LOC400499: variants seen among roughly 807,000 people sequenced by gnomAD.
At chr16:11,448,845 G>A in the LOC400499 span, 1 of 1,243,558 alleles carries the variant, frequency 8.0e-7, no homozygotes, top group Admixed American at 2.5e-5. Flanking sequence ...TCCATCCGAA[G>A]CAGGGAGAGA....
the LOC400499 span, chr16:11,392,066 G>T: frequency 2.5e-6 from 1 of 399,840 alleles, no homozygotes; most frequent in Non-Finnish European, 4.4e-6. Flanking sequence ...TCTTCCAGCC[G>T]GGCTTGCACC....
chr16:11,459,865 G>T, the LOC400499 span: 1 of 1,335,878 alleles, frequency 7.5e-7, no homozygotes, highest in African/African-American at 1.5e-5. Flanking sequence ...GGACTCATGG[G>T]GCACGGCTCT....
the LOC400499 span, among the ~76,000 whole-genome samples, chr16:11,468,471 A>C: frequency 6.6e-6 from 1 of 151,978 alleles, no homozygotes; most frequent in South Asian, 2.1e-4. Context: ...CTACAGGCAC[A>C]CAACTCTGTG....
chr16:11,502,711 T>C, the LOC400499 span, among the ~76,000 whole-genome samples: 1 of 151,054 alleles, frequency 6.6e-6, no homozygotes, highest in Non-Finnish European at 1.5e-5. Context: ...ACCTCCTGGG[T>C]TCTAGCGATT....
the LOC400499 span, among the ~76,000 whole-genome samples, chr16:11,495,494 C>T: frequency 6.6e-6 from 1 of 152,076 alleles, no homozygotes; most frequent in Non-Finnish European, 1.5e-5. Flanking sequence ...GATTCCCCTG[C>T]CTCAGCCTCC....
chr16:11,515,831 G>GGGAA, the LOC400499 span: 1 of 351,484 alleles, frequency 2.8e-6, no homozygotes, highest in Non-Finnish European at 5.0e-6. Flanking sequence ...GGGTCTGGGA[G>GGGAA]AGCAGCAGTC....
At chr16:11,381,966 G>A in the LOC400499 span, among the ~76,000 whole-genome samples, 31 of 147,324 alleles carry the variant, frequency 2.1e-4, no homozygotes, top group East Asian at 7.8e-4. Context: ...TTTTTGAGAC[G>A]GAGTCTTGCT....
At chr16:11,388,908 G>A in the LOC400499 span, among the ~76,000 whole-genome samples, 2 of 151,978 alleles carry the variant, frequency 1.3e-5, no homozygotes, top group South Asian at 2.1e-4. Context: ...CTAATATGGT[G>A]AAACCCCGTC....
the LOC400499 span, chr16:11,516,301 G>A: frequency 2.5e-6 from 1 of 399,284 alleles, no homozygotes; most frequent in African/African-American, 2.1e-5. Flanking sequence ...TACGGCCCAG[G>A]GTGGCACTGC....
the LOC400499 span, chr16:11,384,101 G>A: frequency 2.4e-6 from 3 of 1,228,352 alleles, no homozygotes; most frequent in African/African-American, 1.6e-5. Flanking sequence ...CCCAAACCCT[G>A]GGCCTACGAA....
At chr16:11,424,109 C>T in the LOC400499 span, 1 of 399,468 alleles carries the variant, frequency 2.5e-6, no homozygotes. Context: ...CCTCACTCAC[C>T]TGGAAGTGCC....
At chr16:11,436,243 G>A in the LOC400499 span, among the ~76,000 whole-genome samples, 3 of 152,172 alleles carry the variant, frequency 2.0e-5, no homozygotes, top group African/African-American at 7.2e-5. Flanking sequence ...GGGGGAAGCA[G>A]AGGACATCTT....
At chr16:11,475,031 T>TA in the LOC400499 span, among the ~76,000 whole-genome samples, 1 of 152,210 alleles carries the variant, frequency 6.6e-6, no homozygotes, top group Non-Finnish European at 1.5e-5. Context: ...CACCTTATCT[T>TA]ATGTAAAGTG....
At chr16:11,458,310 C>T in the LOC400499 span, among the ~76,000 whole-genome samples, 1 of 152,120 alleles carries the variant, frequency 6.6e-6, no homozygotes, top group Non-Finnish European at 1.5e-5. Context: ...CGTGCCACTG[C>T]ACTCCAGCCT....
the LOC400499 span, among the ~76,000 whole-genome samples, chr16:11,488,325 T>C: frequency 7.9e-5 from 12 of 152,180 alleles, no homozygotes; most frequent in East Asian, 1.9e-3. Context: ...ATAACTGATA[T>C]GACTTCTGTC....
At chr16:11,402,789 T>A in the LOC400499 span, among the ~76,000 whole-genome samples, 1 of 152,120 alleles carries the variant, frequency 6.6e-6, no homozygotes, top group Non-Finnish European at 1.5e-5. Flanking sequence ...GCGCCACGCT[T>A]GCTTTATGCC....
chr16:11,426,717 T>C, the LOC400499 span, among the ~76,000 whole-genome samples: 1 of 150,838 alleles, frequency 6.6e-6, no homozygotes. Context: ...TTGTTTAAGC[T>C]CAGGCATTCC....
chr16:11,398,971 T>C, the LOC400499 span, among the ~76,000 whole-genome samples: 1 of 152,120 alleles, frequency 6.6e-6, no homozygotes, highest in African/African-American at 2.4e-5. Context: ...TGTGAGCACT[T>C]AGGGGGCCAT....
At chr16:11,434,300 T>C in the LOC400499 span, among the ~76,000 whole-genome samples, 3 of 152,124 alleles carry the variant, frequency 2.0e-5, no homozygotes, top group Non-Finnish European at 4.4e-5. Context: ...GGCTGGGAAA[T>C]TGCTTCAGGC....
Sources: allele counts gnomAD v4.1 joint callset (sites outside exome capture counted in the v4.1 genomes callset), GRCh38; gene constraint gnomAD v4.1.1; transcripts MANE v1.5.